The following ZNF540 variants were observed in gnomAD, a reference collection of about 807,000 sequenced individuals.
ZNF540 encodes the protein CTD-3064H18.6.
A neutral mutation model predicts 11.8 loss-of-function variants in ZNF540; 3 were observed. That is an observed-to-expected ratio of 0.25 (90% CI 0.12 to 0.65). The LOEUF (loss-of-function observed/expected upper bound fraction) is 0.65. Among genes scored for constraint, ZNF540 ranks in the 30% least tolerant of loss-of-function variants. The pLI is 0.83. For missense variants in ZNF540, 709 were observed against 793.1 expected (o/e 0.89, Z 1.27); for synonymous variants, 247 against 259.0 (o/e 0.95, Z 0.45).
chr19:37,570,003 C>T (rs2147161612), intron 1 of ZNF540: 1 of 152,340 alleles, frequency 6.6e-6, no homozygotes, highest in Middle Eastern at 3.4e-3. Context: ...TGTGGTAAGA[C>T]CTCCACATTC....
chr19:37,566,302 A>G (rs2042857323), intron 1 of ZNF540: 2 of 1,571,098 alleles, frequency 1.3e-6, no homozygotes, highest in Non-Finnish European at 1.7e-6. Context: ...CTGTAGAATA[A>G]AAAGAAAGCA....
chr19:37,585,011 G>C (rs372439785), intron 1 of ZNF540: 3 of 151,624 alleles, frequency 2.0e-5, no homozygotes, highest in African/African-American at 7.3e-5. Flanking sequence ...ATGTCTTTGA[G>C]CTCTTAGAAT....
At chr19:37,585,592 C>T (rs1203799324) in intron 1 of ZNF540, 5 of 152,208 alleles carry the variant, frequency 3.3e-5, no homozygotes, top group Non-Finnish European at 7.3e-5. Flanking sequence ...GATATGGAGA[C>T]AGAACTCGGC....
intron 4 of ZNF540, among the ~76,000 whole-genome samples, chr19:37,606,645 TG>T (rs1033716904): frequency 1.4e-4 from 21 of 152,220 alleles, no homozygotes; most frequent in African/African-American, 4.8e-4. Context: ...TATCTAATTG[TG>T]GTTGATGTTG....
At chr19:37,600,541 C>G (rs1407012275) in intron 3 of ZNF540, among the ~76,000 whole-genome samples, 1 of 151,906 alleles carries the variant, frequency 6.6e-6, no homozygotes, top group Non-Finnish European at 1.5e-5. Context: ...ATATACCAGG[C>G]ATCATTCTAA....
intron 1 of ZNF540, among the ~76,000 whole-genome samples, chr19:37,576,366 G>C (rs879590279): frequency 6.6e-6 from 1 of 152,096 alleles, no homozygotes; most frequent in Non-Finnish European, 1.5e-5. Context: ...AGTAACACTT[G>C]CAACTATCTG....
intron 1 of ZNF540, chr19:37,560,868 C>T (rs2042708428): frequency 6.6e-6 from 1 of 151,676 alleles, no homozygotes; most frequent in Non-Finnish European, 1.5e-5. Flanking sequence ...AACATAAGTG[C>T]TGAAAGAGTT....
At chr19:37,565,048 T>G in intron 1 of ZNF540, 1 of 1,613,896 alleles carries the variant, frequency 6.2e-7, no homozygotes, top group Non-Finnish European at 8.5e-7. Flanking sequence ...GAGTAAGATA[T>G]GCAACACGAA....
rs994592746 is a variant in ZNF540, at chr19:37,595,113, C to A, written c.-73+18C>A. 1 of 152,168 alleles carries A rather than the reference C, an allele frequency of 6.6e-6. No individual in the cohort carries two copies. The highest frequency in any genetic ancestry group is 1.9e-4 in the East Asian group (1 of 5,184). 9.4% of individuals were successfully genotyped at this position (152,168 alleles called of 1,614,324 possible). Reference sequence around the variant, plus strand: ...GCTGTCAGGTAAGGTCTGGATTTCTCTCTGACAGCTCTGGCCGTGACGCAG... The same window carrying A: ...GCTGTCAGGTAAGGTCTGGATTTCTATCTGACAGCTCTGGCCGTGACGCAG... On this transcript the variant is annotated intron_variant, in intron 1 of 4. Transcript: ENST00000316433.
chr19:37,556,043 A>C (rs1234376337), intron 1 of ZNF540: 1 of 702,658 alleles, frequency 1.4e-6, no homozygotes, highest in African/African-American at 1.7e-5. Context: ...CTTTTTCTGC[A>C]CCTTTGGAGC....
At chr19:37,599,026 A>G (rs953672971) in intron 2 of ZNF540, among the ~76,000 whole-genome samples, 1 of 152,184 alleles carries the variant, frequency 6.6e-6, no homozygotes, top group Non-Finnish European at 1.5e-5. Context: ...TGTAGTACTT[A>G]TAAGAAAATC....
Position 37,613,200 on chromosome 19 carries a change from T to C in ZNF540, c.1920T>C (p.Cys640=). The change falls in exon 5 of 5, where the codon TGT becomes TGC. Residue 640 remains cysteine, a synonymous_variant. Coordinates refer to ENST00000316433, the MANE Select transcript of ZNF540 (RefSeq NM_001172225.3). ...TGEKPYECKV[C]RKAFRQYSHL... ...AGAAACCCTATGAGTGTAAGGTATGTAGAAAGGCCTTTAGACAATATTCAC... is the reference window on the plus strand; with the variant it reads ...AGAAACCCTATGAGTGTAAGGTATGCAGAAAGGCCTTTAGACAATATTCAC... 6.3e-7 allele frequency: 1 copy of C among 1,592,034 alleles called. No homozygotes were observed. The highest frequency in any genetic ancestry group is 8.6e-7 in the Non-Finnish European group (1 of 1,169,242).
upstream of ZNF540, among the ~76,000 whole-genome samples, chr19:37,593,142 G>A (rs975194664): frequency 1.3e-5 from 2 of 150,792 alleles, no homozygotes; most frequent in African/African-American, 4.9e-5. Context: ...TTTTTATGTT[G>A]GTATAACAGC....
intron 1 of ZNF540, chr19:37,585,689 A>G (rs990641605): frequency 6.6e-6 from 1 of 152,196 alleles, no homozygotes; most frequent in Non-Finnish European, 1.5e-5. Context: ...CTCATCTCTT[A>G]AACTTTCAAG....
At chr19:37,578,026 T>G (rs541493673) in intron 1 of ZNF540, among the ~76,000 whole-genome samples, 40 of 152,260 alleles carry the variant, frequency 2.6e-4, no homozygotes, top group South Asian at 4.1e-4. Context: ...TCATAGGAGC[T>G]CGAACCCTAT....
chr19:37,558,833 G>C (rs1434916782), intron 1 of ZNF540, among the ~76,000 whole-genome samples: 1 of 151,834 alleles, frequency 6.6e-6, no homozygotes, highest in Non-Finnish European at 1.5e-5. Context: ...TATATATGGA[G>C]AGAGAGACAG....
chr19:37,603,379 A>G (rs574468757), intron 4 of ZNF540, among the ~76,000 whole-genome samples: 1 of 152,312 alleles, frequency 6.6e-6, no homozygotes, highest in East Asian at 1.9e-4. Context: ...AGGGAAGGAT[A>G]ATTATGGAAA....
chr19:37,572,509 A>C (rs2043097642), intron 1 of ZNF540, among the ~76,000 whole-genome samples: 1 of 152,202 alleles, frequency 6.6e-6, no homozygotes, highest in African/African-American at 2.4e-5. Context: ...CCCAGTAGCT[A>C]TCTCCTTTAT....
rs1320593591 is a variant in ZNF540, at chr19:37,613,992, T to C, written c.*729T>C. The C allele has an allele frequency of 2.5e-6, 1 of 396,694 alleles. No homozygotes were observed. Among genetic ancestry groups the C allele is most frequent in the African/African-American group, 2.1e-5 (1 of 48,560 alleles). 24.6% of individuals were successfully genotyped at this position (396,694 alleles called of 1,614,324 possible). On this transcript the variant is annotated 3_prime_UTR_variant, in exon 5 of 5. Transcript: ENST00000316433. ...AGGTTACAGCAAGAAGTCAGCAGTC[T>C]ACAGTGCAAAAGAGGGCCTTCACCA... is the stretch of plus-strand genomic sequence containing the variant.
Sources: allele counts gnomAD v4.1 joint callset (sites outside exome capture counted in the v4.1 genomes callset), GRCh38; gene constraint gnomAD v4.1.1; transcripts MANE v1.5; gene names NCBI Gene and HGNC (gene_info 2026-07-23, HGNC 2026-07-21).